The following CUX1 variants were observed in gnomAD, a reference collection of about 807,000 sequenced individuals.
CUX1 encodes protein CASP.
A neutral mutation model predicts 158.8 loss-of-function variants in CUX1; 31 were observed. The observed-to-expected ratio is 0.20, with a 90% CI of 0.15 to 0.26. The LOEUF is 0.26. Ranked by LOEUF, CUX1 falls within the 10% of genes least tolerant of loss-of-function variation. The pLI, the probability that CUX1 is intolerant of heterozygous loss-of-function variation, is 1.00. For missense variants in CUX1, 1,589 were observed against 2,014.6 expected (o/e 0.79, Z 4.04); for synonymous variants, 879 against 862.1 (o/e 1.02, Z -0.34).
chr7:102,197,631 A>T (rs768120822), intron 15 of CUX1, among the ~76,000 whole-genome samples: 9 of 152,154 alleles, frequency 5.9e-5, no homozygotes, highest in Non-Finnish European at 8.8e-5. Context: ...CCGCGGGTCC[A>T]ATTGGCCTTG....
intron 2 of CUX1, among the ~76,000 whole-genome samples, chr7:101,925,311 A>G (rs983503303): frequency 6.6e-6 from 1 of 152,102 alleles, no homozygotes; most frequent in Non-Finnish European, 1.5e-5. Flanking sequence ...GGGTTTCACC[A>G]TGTTGGCCAG....
rs1385107154 is a variant in CUX1 at position 101,869,965 on chromosome 7, C to T, written c.31-46150C>T. ...CACCACCCTTGGGAAGGCGGCTCCTCGTGCCCCCCCTCTTGTGCCTTCCCT... is the reference window on the plus strand; with the variant it reads ...CACCACCCTTGGGAAGGCGGCTCCTTGTGCCCCCCCTCTTGTGCCTTCCCT... On this transcript the variant is annotated intron_variant, in intron 1 of 23. Coordinates refer to ENST00000292535, the MANE Select transcript of CUX1 (RefSeq NM_181552.4). This position sits in a 1 kb window ranked among gnomAD's most constrained non-coding sequence, Gnocchi z 4.5. 2.0e-5 allele frequency among the ~76,000 whole-genome samples: 3 copies of T among 151,920 alleles called. No homozygotes were observed. Among genetic ancestry groups the T allele is most frequent in the South Asian group, 2.1e-4 (1 of 4,816 alleles).
chr7:102,215,343 A>C (rs1554524259), intron 20 of CUX1, among the ~76,000 whole-genome samples: 1 of 150,856 alleles, frequency 6.6e-6, no homozygotes. Context: ...TGTTATAATC[A>C]ATTATCACAT....
At chr7:102,147,570 G>A (rs1554502442) in intron 8 of CUX1, among the ~76,000 whole-genome samples, 2 of 152,192 alleles carry the variant, frequency 1.3e-5, no homozygotes, top group African/African-American at 2.4e-5. Context: ...ATAACATCTT[G>A]TAGGCTCTTT....
At chr7:102,138,633 A>G (rs1834139872) in intron 8 of CUX1, among the ~76,000 whole-genome samples, 1 of 152,226 alleles carries the variant, frequency 6.6e-6, no homozygotes, top group South Asian at 2.1e-4. Context: ...TCATTATATT[A>G]ACCTTGCCAC....
intron 1 of CUX1, among the ~76,000 whole-genome samples, chr7:101,871,006 A>G (rs1319389222): frequency 1.3e-5 from 2 of 152,258 alleles, no homozygotes; most frequent in Non-Finnish European, 2.9e-5. Flanking sequence ...GCAGATGAGT[A>G]GGAGAGCGGG....
Position 102,195,564 on chromosome 7 carries a change from G to A in CUX1, c.1183G>A (p.Glu395Lys). The A allele has an allele frequency of 6.2e-7, 1 of 1,612,878 alleles. No homozygotes were observed. Among genetic ancestry groups the A allele is most frequent in the Non-Finnish European group, 8.5e-7 (1 of 1,179,828 alleles). Residue 395 changes from glutamate (E) to lysine (K), a missense_variant, in exon 14 of 24, where the codon GAG becomes AAG. By Grantham distance (56) the Glu-to-Lys change is moderately conservative. This residue lies in a region of CUX1 where 515 missense variants were observed against 574.4 expected (regional missense o/e 0.90). Coordinates refer to ENST00000292535, the MANE Select transcript of CUX1 (RefSeq NM_181552.4). ...LLEKNRSLQSENAALRISNSD... is the reference protein window; with the variant it reads ...LLEKNRSLQSKNAALRISNSD... ...GGAGAAGAACCGCTCGCTGCAGTCC[G>A]AGAACGCCGCGCTGCGCATCTCCAA... is the stretch of plus-strand genomic sequence containing the variant.
intron 1 of CUX1, among the ~76,000 whole-genome samples, chr7:101,914,456 CTCCTTCCTTCCTTCCTTCCCTTCT>C (rs1167803463): frequency 2.9e-5 from 4 of 139,444 alleles, no homozygotes; most frequent in South Asian, 4.8e-4. Flanking sequence ...CCGTCCTTCC[CTCCTTCCTTCCTTCCTTCCCTTCT>C]TCCTTCCTTC....
intron 4 of CUX1, among the ~76,000 whole-genome samples, chr7:102,076,623 C>T (rs1321209524): frequency 6.6e-6 from 1 of 152,016 alleles, no homozygotes; most frequent in African/African-American, 2.4e-5. Flanking sequence ...CCCTCATGCC[C>T]CACACCACAC....
rs573901472 is a variant in CUX1, at chr7:101,869,234, C to T, written c.31-46881C>T. Among the ~76,000 whole-genome samples the T allele has an allele frequency of 1.7e-4, 26 of 151,752 alleles. No homozygotes were observed. Among genetic ancestry groups the T allele is most frequent in the Non-Finnish European group, 2.9e-4 (20 of 67,988 alleles). On this transcript the variant is annotated intron_variant, in intron 1 of 23. Coordinates refer to ENST00000292535, the MANE Select transcript of CUX1 (RefSeq NM_181552.4). This position sits in a 1 kb window ranked among gnomAD's most constrained non-coding sequence, Gnocchi z 4.5. ...GTGACCTGTGGCAGAGGGGCTGTGT[C>T]AGAGCCCCGGCTGGCGAGAGGAGCA...
intron 10 of CUX1, among the ~76,000 whole-genome samples, chr7:102,176,370 G>C (rs1478778255): frequency 1.3e-5 from 2 of 152,046 alleles, no homozygotes; most frequent in East Asian, 3.9e-4. Flanking sequence ...ACGTGAAACT[G>C]AGCACTTCAG....
intron 2 of CUX1, among the ~76,000 whole-genome samples, chr7:101,996,973 C>A (rs554338395): frequency 6.6e-6 from 1 of 151,718 alleles, no homozygotes; most frequent in African/African-American, 2.4e-5. Context: ...AATCGCTCCC[C>A]TGCGCTCGTG....
At chr7:102,216,750 G>GCA (rs1212478117) in intron 20 of CUX1, among the ~76,000 whole-genome samples, 6 of 108,012 alleles carry the variant, frequency 5.6e-5, no homozygotes, top group East Asian at 2.7e-4. Flanking sequence ...ACACACTTCT[G>GCA]CACACACACA....
At chr7:102,146,259 G>C (rs1410798909) in intron 8 of CUX1, among the ~76,000 whole-genome samples, 1 of 152,174 alleles carries the variant, frequency 6.6e-6, no homozygotes. Context: ...CTGGGCCGCA[G>C]CTGTCCCATG....
intron 2 of CUX1, among the ~76,000 whole-genome samples, chr7:102,007,367 C>G (rs1817509782): frequency 6.6e-6 from 1 of 152,058 alleles, no homozygotes; most frequent in Non-Finnish European, 1.5e-5. Flanking sequence ...GTTGTTGCAG[C>G]CTTTCTGTTC....
At chr7:101,888,515 C>T (rs992176152) in intron 1 of CUX1, among the ~76,000 whole-genome samples, 1 of 152,130 alleles carries the variant, frequency 6.6e-6, no homozygotes, top group Non-Finnish European at 1.5e-5. Context: ...AGCCTGATGC[C>T]TCATTTGCAC....
chr7:102,076,543 T>A (rs1181547452), intron 4 of CUX1, among the ~76,000 whole-genome samples: 1 of 152,120 alleles, frequency 6.6e-6, no homozygotes, highest in Non-Finnish European at 1.5e-5. Context: ...TATTTCTTAG[T>A]CAGTTTCGCG....
At chr7:101,915,207 G>A (rs1179029325) in intron 1 of CUX1, among the ~76,000 whole-genome samples, 1 of 152,192 alleles carries the variant, frequency 6.6e-6, no homozygotes, top group Admixed American at 6.5e-5. Context: ...TTGGGCGCCT[G>A]CTGTCAGCCT....
At chr7:101,990,077 G>A (rs1291899475) in intron 2 of CUX1, among the ~76,000 whole-genome samples, 1 of 152,232 alleles carries the variant, frequency 6.6e-6, no homozygotes, top group Non-Finnish European at 1.5e-5. Context: ...TAAGAGGCAT[G>A]GGCGGGTGCA....
Sources: gnomAD v4.1 joint callset for allele counts (sites outside exome capture counted in the v4.1 genomes callset) on GRCh38, gnomAD v4.1.1 for gene constraint, gnomAD v4.1.1 regional missense constraint, Gnocchi (gnomAD v3.1) non-coding constraint, MANE v1.5 for transcripts, NCBI Gene and HGNC (gene_info 2026-07-23, HGNC 2026-07-21) for gene names.